The following CYP3A4 variants were observed in gnomAD, a reference collection of about 807,000 sequenced individuals.
CYP3A4 encodes the protein cytochrome P450 family 3 subfamily A member 4, also known as cytochrome P450 3A4.
CYP3A4 carries 41 observed loss-of-function variants against 54.9 expected under a neutral mutation model. That is an observed-to-expected ratio of 0.75 (90% confidence interval 0.58 to 0.97). The LOEUF is 0.97. Among genes scored for constraint, CYP3A4 ranks in the 50% least tolerant of loss-of-function variants. The probability of loss-of-function intolerance (pLI) is 0.00; values close to 1 mark genes in which losing one functional copy is unlikely to be tolerated. For synonymous variants in CYP3A4, 179 were observed against 205.2 expected, an observed-to-expected ratio of 0.87 and a Z score of 1.09; for missense variants, 510 against 597.3, an observed-to-expected ratio of 0.85 and a Z score of 1.52.
At position 99,769,717 on chromosome 7, in the gene CYP3A4, G is replaced by C. The variant is rs569634260; in HGVS notation, c.521+51C>G. ...AGGAATATCAGCTCCATGGCAGGCAGCTGGAGGGGTTCATGACAGCTCAGA... is the reference window on the plus strand; with the variant it reads ...AGGAATATCAGCTCCATGGCAGGCACCTGGAGGGGTTCATGACAGCTCAGA... On this transcript the variant is annotated intron_variant, in intron 6 of 12. Coordinates refer to ENST00000651514, the MANE Select transcript of CYP3A4 (RefSeq NM_017460.6). The C allele has an allele frequency of 2.9e-5, 47 of 1,605,488 alleles. No homozygotes were observed. In the South Asian group the frequency reaches 3.6e-4, roughly 12 times the overall value.
intron 7 of CYP3A4, 82 bp downstream of exon 7, chr7:99,768,272 A>C: frequency 7.2e-7 from 1 of 1,384,716 alleles, no homozygotes; most frequent in South Asian, 1.2e-5. Context: ...TAAGTGGATG[A>C]ATTACATGGT....
At chr7:99,760,298 G>A (rs1815286594) in intron 12 of CYP3A4, among the ~76,000 whole-genome samples, 1 of 152,192 alleles carries the variant, frequency 6.6e-6, no homozygotes, top group Admixed American at 6.5e-5. Context: ...GGCTTCACAT[G>A]AGAAGCAATG....
intron 7 of CYP3A4, 75 bp downstream of exon 7, chr7:99,768,279 T>G (rs1815525837): frequency 7.0e-7 from 1 of 1,429,478 alleles, no homozygotes; most frequent in Non-Finnish European, 9.8e-7. Context: ...ATGAATTACA[T>G]GGTGATTTAT....
At position 99,766,399 on chromosome 7, in the gene CYP3A4, T is replaced by C. The variant is rs760635660; in HGVS notation, c.843A>G (p.Ser281=). The change falls in exon 9 of 13, where the codon TCA becomes TCG. Residue 281 remains serine (S), a synonymous_variant. Coordinates refer to ENST00000651514, the MANE Select transcript of CYP3A4 (RefSeq NM_017460.6). ...TACCTTTGTGGGACTCAGTTTCTTT[T>C]GAATTCTGAGAGTCAATCATCAGCT... The part of the protein sequence containing the change: ...FLQLMIDSQN[S]KETESHKALS... 1.9e-6 allele frequency: 3 copies of C among 1,613,710 alleles called. No homozygotes were observed. In the South Asian group the frequency reaches 3.3e-5, roughly 18 times the overall value.
intron 4 of CYP3A4, 106 bp from the exon 5 acceptor site, chr7:99,770,341 CT>C (rs1472919368): frequency 2.6e-5 from 24 of 918,812 alleles, no homozygotes; most frequent in Non-Finnish European, 3.7e-5. Context: ...TATTTAGTGA[CT>C]GTCTACTGGG....
At chr7:99,781,606 T>G (rs780028193) in intron 1 of CYP3A4, among the ~76,000 whole-genome samples, 1 of 152,180 alleles carries the variant, frequency 6.6e-6, no homozygotes, top group Non-Finnish European at 1.5e-5. Context: ...GAAAAGCTGA[T>G]GGAAGAGGTC....
rs1324058598 is a variant in CYP3A4 at position 99,762,127 on chromosome 7, G to A, written c.1167C>T (p.Pro389=). The change falls in exon 11 of 13, where the codon CCC becomes CCT. Residue 389 remains proline (P), a synonymous_variant. Transcript: ENST00000651514. ...KDVEINGMFI[P]KGVVVMIPSY... ...TTGGAATCATCACCACCACCCCTTT[G>A]GGAATGAACATCCCATTGATCTCAA... The A allele has an allele frequency of 2.5e-6, 4 of 1,613,852 alleles. No individual in the cohort carries two copies. Among genetic ancestry groups the A allele is most frequent in the African/African-American group, 2.7e-5 (2 of 74,862 alleles).
At chr7:99,780,904 A>T (rs1281610963) in intron 1 of CYP3A4, among the ~76,000 whole-genome samples, 1 of 152,216 alleles carries the variant, frequency 6.6e-6, no homozygotes, top group Non-Finnish European at 1.5e-5. Flanking sequence ...CCTCTTGTGG[A>T]ATCTAGCCTT....
chr7:99,759,354 CTTA>C (rs1563038227), intron 12 of CYP3A4, among the ~76,000 whole-genome samples: 4 of 151,928 alleles, frequency 2.6e-5, no homozygotes, highest in Non-Finnish European at 5.9e-5. Flanking sequence ...AATATAATAC[CTTA>C]TTATTTAAAA....
chr7:99,783,385 A>T (rs1434164876), intron 1 of CYP3A4, among the ~76,000 whole-genome samples: 5 of 152,190 alleles, frequency 3.3e-5, no homozygotes, highest in Non-Finnish European at 5.9e-5. Flanking sequence ...TCCACAGCCA[A>T]GTTTGGAATG....
chr7:99,766,256 C>G, intron 9 of CYP3A4, 121 bp downstream of exon 9: 1 of 1,192,446 alleles, frequency 8.4e-7, no homozygotes, highest in Non-Finnish European at 1.2e-6. Context: ...AACATTCAAA[C>G]ATGTGTCGTT....
At chr7:99,783,320 C>T (rs1229593590) in intron 1 of CYP3A4, among the ~76,000 whole-genome samples, 2 of 152,134 alleles carry the variant, frequency 1.3e-5, no homozygotes, top group African/African-American at 2.4e-5. Flanking sequence ...TCTACTGCAA[C>T]ATAAAGGGGA....
In CYP3A4 at chr7:99,761,481, T is replaced by TTC. The variant is rs756981330; in HGVS notation, c.1254-502_1254-501dup. On this transcript the variant is annotated intron_variant, in intron 11 of 12. Coordinates refer to ENST00000651514, the MANE Select transcript of CYP3A4 (RefSeq NM_017460.6). ...CCTCCTTACCTTGTCTTCTCCCTCC[T>TTC]TCTCCTCCTTCTTCTTCTCTCCATC... 9.9e-5 allele frequency among the ~76,000 whole-genome samples: 15 copies of TTC among 152,186 alleles called. No homozygotes were observed. In the South Asian group the frequency reaches 1.0e-3, roughly 11 times the overall value.
At chr7:99,764,154 G>A in intron 9 of CYP3A4, 139 bp from the exon 10 acceptor site, 3 of 1,272,566 alleles carry the variant, frequency 2.4e-6, no homozygotes, top group Non-Finnish European at 3.3e-6. Flanking sequence ...CACTGGGGGT[G>A]GTTTCATTCT....
intron 8 of CYP3A4, 174 bp from the exon 9 acceptor site, chr7:99,766,617 G>C: frequency 2.6e-6 from 2 of 776,800 alleles, no homozygotes; most frequent in East Asian, 5.5e-5. Context: ...TCCTTGGAAA[G>C]CAGGATGTTT....
chr7:99,777,836 G>T (rs1333574309), intron 3 of CYP3A4, among the ~76,000 whole-genome samples, 192 bp downstream of exon 3: 1 of 152,014 alleles, frequency 6.6e-6, no homozygotes, highest in African/African-American at 2.4e-5. Context: ...GTTTATAAAG[G>T]CATGCAGATT....
intron 8 of CYP3A4, chr7:99,766,901 T>C: frequency 2.4e-6 from 1 of 422,330 alleles, no homozygotes; most frequent in Non-Finnish European, 4.2e-6. Context: ...TACTAATTGT[T>C]GTGTCTGATA....
rs544521130 is a variant in CYP3A4, at chr7:99,772,087, C to G, written c.318+503G>C. On this transcript the variant is annotated intron_variant, in intron 4 of 12. Coordinates refer to ENST00000651514, the MANE Select transcript of CYP3A4 (RefSeq NM_017460.6). ...GAAAAGGAAATATTAATACATTGAT[C>G]ACCTCAAAATAAAAAATAGTTTGCT... 3.3e-5 allele frequency among the ~76,000 whole-genome samples: 5 copies of G among 152,224 alleles called. No homozygotes were observed. In the East Asian group the frequency reaches 9.6e-4, roughly 29 times the overall value.
chr7:99,762,101 C>T lies in CYP3A4; in HGVS notation c.1193G>A (p.Ser398Asn), dbSNP rs778270963. 4 of 1,613,888 alleles carry T rather than the reference C, an allele frequency of 2.5e-6. No homozygotes were observed. The Admixed American group carries it at 6.7e-5, about 27-fold the overall frequency. The change falls in exon 11 of 13, where the codon AGC becomes AAC. Residue 398 changes from serine (S) to asparagine (N), a missense_variant. Physicochemically the swap from Ser to Asn is conservative, Grantham distance 46. Transcript: ENST00000651514. The part of the protein sequence containing the change: ...IPKGVVVMIP[S>N]YALHRDPKYW... ...CTTTGGGTCACGGTGAAGAGCATAG[C>T]TTGGAATCATCACCACCACCCCTTT...
Sources: allele counts gnomAD v4.1 joint callset (sites outside exome capture counted in the v4.1 genomes callset), GRCh38; gene constraint gnomAD v4.1.1; transcripts MANE v1.5; gene names NCBI Gene and HGNC (gene_info 2026-07-23, HGNC 2026-07-21).